The following DDX6 variants were observed in gnomAD, a reference collection of about 807,000 sequenced individuals.
DDX6 encodes the protein DEAD-box helicase 6, also known as probable ATP-dependent RNA helicase DDX6.
A neutral mutation model predicts 60.6 loss-of-function variants in DDX6; 7 were observed. The ratio of observed to expected loss-of-function variants is 0.12; its 90% CI spans 0.07 to 0.22. The LOEUF is 0.22. DDX6 is among the 10% of genes least tolerant of loss of function. The probability of loss-of-function intolerance (pLI) is 1.00; values close to 1 mark genes in which losing one functional copy is unlikely to be tolerated. For synonymous variants in DDX6, 207 were observed against 201.0 expected (o/e 1.03, Z -0.25); for missense variants, 270 against 589.9 (o/e 0.46, Z 5.62).
At chr11:118,777,302 A>C (rs1217335779) in intron 4 of DDX6, among the ~76,000 whole-genome samples, 1 of 152,168 alleles carries the variant, frequency 6.6e-6, no homozygotes, top group African/African-American at 2.4e-5. Flanking sequence ...CACAGCCTGA[A>C]TTCAATCATT....
In DDX6 at chr11:118,768,045, C is replaced by T. The variant is rs1861414221; in HGVS notation, c.499+178G>A. 3 of 583,836 alleles carry T rather than the reference C, an allele frequency of 5.1e-6. No individual in the cohort carries two copies. In the East Asian group the frequency reaches 9.1e-5, roughly 18 times the overall value. 36.2% of individuals were successfully genotyped at this position (583,836 alleles called of 1,614,324 possible). Reference sequence around the variant, plus strand: ...CTTAAAACTAGAAATCTCTAAAAAGCTGGGAATCATTTTTAATAAAAAGAC... The same window carrying T: ...CTTAAAACTAGAAATCTCTAAAAAGTTGGGAATCATTTTTAATAAAAAGAC... On this transcript the variant is annotated intron_variant, in intron 5 of 13. Transcript: ENST00000534980.
chr11:118,761,407 G>T (rs531397626), intron 7 of DDX6, among the ~76,000 whole-genome samples: 1 of 151,976 alleles, frequency 6.6e-6, no homozygotes, highest in African/African-American at 2.4e-5. Flanking sequence ...ACTTGAGGTC[G>T]GGAGTTTGAG....
rs1458437380 is a variant in DDX6 at position 118,750,069 on chromosome 11, A to C, written c.*2036T>G. On this transcript the variant is annotated 3_prime_UTR_variant, in exon 14 of 14. Transcript: ENST00000534980. ...AGGCAGAGTCAAAAAAGCAACTTCA[A>C]GTAATTGATTCCTTTGTCCAAAAGA... 1 of 152,648 alleles carries C rather than the reference A, an allele frequency of 6.6e-6. No homozygotes were observed. The highest frequency in any genetic ancestry group is 1.5e-5 in the Non-Finnish European group (1 of 68,042). The allele number at this position is 152,648 out of a possible 1,614,324, so 9.5% of individuals were successfully genotyped here. A position where few individuals can be genotyped will look rare whatever the true frequency, so the allele number is the denominator to read the frequency against.
chr11:118,777,618 G>A (rs531023831), intron 4 of DDX6, among the ~76,000 whole-genome samples: 62 of 152,196 alleles, frequency 4.1e-4, no homozygotes, highest in Admixed American at 7.9e-4. Context: ...GGCCGGGTAC[G>A]ATGGCTCACA....
At chr11:118,774,877 A>G (rs1228676412) in intron 4 of DDX6, among the ~76,000 whole-genome samples, 1 of 152,200 alleles carries the variant, frequency 6.6e-6, no homozygotes, top group African/African-American at 2.4e-5. Flanking sequence ...GATAGAAGAG[A>G]TACTTTTAGG....
intron 13 of DDX6, 57 bp downstream of exon 13, chr11:118,754,648 A>ATTT: frequency 1.4e-6 from 2 of 1,480,512 alleles, no homozygotes; most frequent in Non-Finnish European, 1.8e-6. Context: ...CCCAGGAAAG[A>ATTT]AGATTTTGAT....
chr11:118,790,674 G>C (rs1862242877), intron 1 of DDX6, among the ~76,000 whole-genome samples: 1 of 152,042 alleles, frequency 6.6e-6, no homozygotes, highest in Non-Finnish European at 1.5e-5. Flanking sequence ...TGCCGACCCT[G>C]CTGCGCACCA....
At chr11:118,784,735 G>A (rs996595107) in intron 2 of DDX6, among the ~76,000 whole-genome samples, 1 of 151,314 alleles carries the variant, frequency 6.6e-6, no homozygotes, top group Non-Finnish European at 1.5e-5. Context: ...GGGATTAAAG[G>A]CGTGAGCTAC....
At chr11:118,773,580 A>T (rs1861605710) in intron 4 of DDX6, among the ~76,000 whole-genome samples, 1 of 152,118 alleles carries the variant, frequency 6.6e-6, no homozygotes, top group African/African-American at 2.4e-5. Context: ...TCAAAACAAA[A>T]TAAAACAAAA....
chr11:118,757,339 G>T, intron 9 of DDX6, 52 bp from the exon 10 acceptor site: 2 of 1,063,178 alleles, frequency 1.9e-6, no homozygotes, highest in Non-Finnish European at 2.6e-6. Flanking sequence ...CCTTCATTTG[G>T]TTTGCCAAAT....
At chr11:118,759,849 G>T in intron 8 of DDX6, 73 bp downstream of exon 8, 2 of 1,463,554 alleles carry the variant, frequency 1.4e-6, no homozygotes, top group Non-Finnish European at 1.8e-6. Context: ...CAGATATGAA[G>T]ATGTAATTAC....
intron 9 of DDX6, among the ~76,000 whole-genome samples, 167 bp downstream of exon 9, chr11:118,758,607 G>A (rs1036908385): frequency 6.6e-6 from 1 of 152,110 alleles, no homozygotes; most frequent in Non-Finnish European, 1.5e-5. Flanking sequence ...TCCTGACCTC[G>A]TGATCTGCCT....
intron 4 of DDX6, among the ~76,000 whole-genome samples, chr11:118,777,023 C>A (rs551802093): frequency 6.6e-6 from 1 of 151,880 alleles, no homozygotes; most frequent in Non-Finnish European, 1.5e-5. Context: ...CATTACCCAG[C>A]GTTCTCTGCT....
intron 9 of DDX6, among the ~76,000 whole-genome samples, chr11:118,758,159 T>C (rs1861042414): frequency 6.6e-6 from 1 of 152,184 alleles, no homozygotes; most frequent in Non-Finnish European, 1.5e-5. Context: ...CTGAACTACC[T>C]TGAGTATTAA....
intron 11 of DDX6, among the ~76,000 whole-genome samples, chr11:118,755,829 C>T (rs1411128849): frequency 2.6e-5 from 4 of 152,130 alleles, no homozygotes; most frequent in Admixed American, 2.0e-4. Flanking sequence ...GCCTGGCCAA[C>T]ATGGTGAAAT....
chr11:118,790,017 A>G (rs549605400), intron 1 of DDX6: 1 of 152,356 alleles, frequency 6.6e-6, no homozygotes, highest in East Asian at 1.9e-4. Flanking sequence ...CACAGATCGT[A>G]GTTAGCAATT....
intron 13 of DDX6, chr11:118,754,447 C>CA: frequency 2.8e-6 from 1 of 359,988 alleles, no homozygotes; most frequent in South Asian, 6.1e-5. Context: ...TTTTTGCTTT[C>CA]ATTATTTTAG....
intron 11 of DDX6, among the ~76,000 whole-genome samples, chr11:118,756,048 A>G (rs1321677759): frequency 7.9e-6 from 1 of 126,830 alleles, no homozygotes; most frequent in African/African-American, 2.9e-5. Flanking sequence ...GACAGAGATG[A>G]GGTATGAGTG....
chr11:118,760,864 G>A lies in DDX6; in HGVS notation c.742-820C>T, dbSNP rs564319781. 2.0e-5 allele frequency among the ~76,000 whole-genome samples: 3 copies of A among 151,610 alleles called. No homozygotes were observed. The South Asian group carries it at 6.3e-4, about 32-fold the overall frequency. On this transcript the variant is annotated intron_variant, in intron 7 of 13. Transcript: ENST00000534980. ...AAAAAAGTAAGGGTTCTGAGGCCGG[G>A]TGCAGTGGCTCACGCCTGTAATCCC... is the stretch of plus-strand genomic sequence containing the variant.
Sources: gnomAD v4.1 joint callset for allele counts (sites outside exome capture counted in the v4.1 genomes callset) on GRCh38, gnomAD v4.1.1 for gene constraint, MANE v1.5 for transcripts, NCBI Gene and HGNC (gene_info 2026-07-23, HGNC 2026-07-21) for gene names.